The following BRAF variants were observed in gnomAD, a reference collection of about 807,000 sequenced individuals.
BRAF encodes B-Raf proto-oncogene, serine/threonine kinase.
A neutral mutation model predicts 104.6 loss-of-function variants in BRAF; 16 were observed. The observed-to-expected ratio is 0.15, with a 90% CI of 0.10 to 0.23. BRAF has a LOEUF of 0.23. Among genes scored for constraint, BRAF ranks in the 10% least tolerant of loss-of-function variants. The pLI, the probability that BRAF is intolerant of heterozygous loss-of-function variation, is 1.00. For synonymous variants in BRAF, 310 were observed against 341.6 expected, an observed-to-expected ratio of 0.91 and a Z score of 1.02; for missense variants, 541 against 937.3, an observed-to-expected ratio of 0.58 and a Z score of 5.52.
intron 1 of BRAF, among the ~76,000 whole-genome samples, chr7:140,892,362 T>C (rs1814337083): frequency 1.3e-5 from 2 of 152,224 alleles, no homozygotes; most frequent in African/African-American, 4.8e-5. Flanking sequence ...AGCTATATAA[T>C]ATAGTACAGG....
intron 3 of BRAF, among the ~76,000 whole-genome samples, chr7:140,825,272 G>C (rs1335184962): frequency 3.1e-4 from 47 of 152,030 alleles, no homozygotes; most frequent in Admixed American, 3.1e-3. Context: ...CCAGCCATTT[G>C]TTTTCTTACT....
intron 9 of BRAF, among the ~76,000 whole-genome samples, chr7:140,787,300 CAAAA>C (rs1199383417): frequency 3.6e-5 from 2 of 55,088 alleles, no homozygotes; most frequent in Non-Finnish European, 4.9e-5. Flanking sequence ...GACTCCGTCT[CAAAA>C]AAAAAAAAAA....
intron 3 of BRAF, among the ~76,000 whole-genome samples, chr7:140,810,730 T>C (rs985083510): frequency 2.0e-5 from 3 of 152,164 alleles, no homozygotes; most frequent in African/African-American, 7.2e-5. Context: ...CTTGCTAAAA[T>C]TTATTTGTAA....
chr7:140,743,425 GACATGGATGAA>G (rs1168036050), intron 17 of BRAF, among the ~76,000 whole-genome samples: 4 of 152,074 alleles, frequency 2.6e-5, no homozygotes, highest in Non-Finnish European at 4.4e-5. Flanking sequence ...CCTTTGTAGG[GACATGGATGAA>G]ACTGGAAATC....
intron 17 of BRAF, among the ~76,000 whole-genome samples, chr7:140,748,135 T>C (rs771987161): frequency 3.3e-5 from 5 of 152,268 alleles, no homozygotes; most frequent in Middle Eastern, 3.4e-3. Context: ...ACAAAGTACA[T>C]GGTAACTTAA....
chr7:140,912,317 T>C (rs911104205), intron 1 of BRAF, among the ~76,000 whole-genome samples: 6 of 152,196 alleles, frequency 3.9e-5, no homozygotes, highest in Admixed American at 1.3e-4. Context: ...CAACAGAACG[T>C]GTACAGACTC....
chr7:140,856,839 C>T (rs1372072079), intron 1 of BRAF, among the ~76,000 whole-genome samples: 3 of 152,162 alleles, frequency 2.0e-5, no homozygotes, highest in East Asian at 1.9e-4. Context: ...AAAGACAAGT[C>T]AGACTGATGG....
intron 1 of BRAF, among the ~76,000 whole-genome samples, chr7:140,875,387 ATT>A (rs1812113205): frequency 6.6e-6 from 1 of 152,160 alleles, no homozygotes; most frequent in Non-Finnish European, 1.5e-5. Flanking sequence ...AATTACTATT[ATT>A]TTTTGAGATA....
chr7:140,807,673 C>A (rs1251078200), intron 5 of BRAF, among the ~76,000 whole-genome samples: 1 of 152,054 alleles, frequency 6.6e-6, no homozygotes, highest in Non-Finnish European at 1.5e-5. Flanking sequence ...CAAATGTTGG[C>A]CTCTAGGAGG....
At chr7:140,811,408 A>C (rs535163015) in intron 3 of BRAF, among the ~76,000 whole-genome samples, 2 of 152,274 alleles carry the variant, frequency 1.3e-5, no homozygotes, top group African/African-American at 4.8e-5. Flanking sequence ...AGTGGCTATC[A>C]CCCAGAAGAG....
intron 1 of BRAF, among the ~76,000 whole-genome samples, chr7:140,905,851 G>C (rs981604519): frequency 6.6e-6 from 1 of 151,918 alleles, no homozygotes; most frequent in Non-Finnish European, 1.5e-5. Flanking sequence ...CACTTTGGGA[G>C]GCCGAGGCGG....
At chr7:140,838,894 A>G (rs1807629517) in intron 2 of BRAF, among the ~76,000 whole-genome samples, 1 of 152,218 alleles carries the variant, frequency 6.6e-6, no homozygotes, top group African/African-American at 2.4e-5. Flanking sequence ...AATGATAAAA[A>G]TATTTTAGAA....
At chr7:140,860,670 A>G (rs1194790167) in intron 1 of BRAF, among the ~76,000 whole-genome samples, 2 of 152,146 alleles carry the variant, frequency 1.3e-5, no homozygotes, top group Admixed American at 6.5e-5. Context: ...ATACATACAT[A>G]TGAAAAATCA....
At chr7:140,863,212 C>G (rs931666017) in intron 1 of BRAF, among the ~76,000 whole-genome samples, 1 of 151,914 alleles carries the variant, frequency 6.6e-6, no homozygotes, top group Non-Finnish European at 1.5e-5. Context: ...TTTTAAGGCA[C>G]TATTTTTACA....
intron 3 of BRAF, among the ~76,000 whole-genome samples, chr7:140,812,005 T>C (rs1330561922): frequency 6.6e-6 from 1 of 152,222 alleles, no homozygotes; most frequent in Non-Finnish European, 1.5e-5. Context: ...TGGTGACCGA[T>C]CTTTAGTTTT....
In BRAF at chr7:140,722,048, C is replaced by A. The variant is rs1166565550; in HGVS notation, c.*4446G>T. On this transcript the variant is annotated 3_prime_UTR_variant, in exon 20 of 20. Coordinates refer to ENST00000644969, the MANE Select transcript of BRAF (RefSeq NM_001374258.1). ...GATTGCTGCCCATCATACAGTACTT[C>A]AACCCTAAACTACAGCAATTTCTGT... The A allele has an allele frequency of 1.4e-5, 15 of 1,109,656 alleles. No homozygotes were observed. Among genetic ancestry groups the A allele is most frequent in the Non-Finnish European group, 1.6e-5 (15 of 909,670 alleles). The allele number at this position is 1,109,656 out of a possible 1,614,324, so 68.7% of individuals were successfully genotyped here. A position where few individuals can be genotyped will look rare whatever the true frequency, so the allele number is the denominator to read the frequency against.
At chr7:140,813,054 A>G (rs1004542509) in intron 3 of BRAF, among the ~76,000 whole-genome samples, 2 of 152,168 alleles carry the variant, frequency 1.3e-5, no homozygotes, top group Non-Finnish European at 2.9e-5. Flanking sequence ...ATTCACCTAC[A>G]TAAAGCTAAA....
chr7:140,845,384 A>G (rs980386918), intron 2 of BRAF, among the ~76,000 whole-genome samples: 2 of 152,208 alleles, frequency 1.3e-5, no homozygotes, highest in African/African-American at 4.8e-5. Context: ...CTAAAAAACT[A>G]TAAGCAGAGT....
chr7:140,715,951 G>A (rs981983875), downstream of BRAF, among the ~76,000 whole-genome samples: 3 of 152,198 alleles, frequency 2.0e-5, no homozygotes, highest in Non-Finnish European at 2.9e-5. Flanking sequence ...AGATCCTGCT[G>A]TCTTGTTCTA....
Sources: gnomAD v4.1 joint callset for allele counts (sites outside exome capture counted in the v4.1 genomes callset) on GRCh38, gnomAD v4.1.1 for gene constraint, MANE v1.5 for transcripts, NCBI Gene and HGNC (gene_info 2026-07-23, HGNC 2026-07-21) for gene names.